Variants in ETNK1 observed in about 807,000 individuals in gnomAD.
ETNK1 encodes the protein ethanolamine kinase 1.
Under a neutral mutation model 45.1 loss-of-function variants are expected in ETNK1, and 8 were observed. The observed-to-expected ratio is 0.18, with a 90% confidence interval of 0.10 to 0.32. The LOEUF (loss-of-function observed/expected upper bound fraction) is 0.32, where lower values mean the gene tolerates loss of function less well. Among genes scored for constraint, ETNK1 ranks in the 10% least tolerant of loss-of-function variants. ETNK1 has a pLI of 1.00. For missense variants in ETNK1, 302 were observed against 430.6 expected (o/e 0.70, Z 2.64); for synonymous variants, 152 against 151.9 (o/e 1.00, Z -0.01).
rs928811541 is a variant in ETNK1 at position 22,663,165 on chromosome 12, G to A, written c.700+1960G>A. Among the ~76,000 whole-genome samples, 4 of 152,200 alleles carry A rather than the reference G, an allele frequency of 2.6e-5. No homozygotes were observed. In the East Asian group the frequency reaches 5.8e-4, roughly 22 times the overall value. On this transcript the variant is annotated intron_variant, in intron 4 of 7. Transcript: ENST00000266517. ...CTGTTATATATAATTATCATAGTACGTATGCACTACATTATATACTGGTAA... is the reference window on the plus strand; with the variant it reads ...CTGTTATATATAATTATCATAGTACATATGCACTACATTATATACTGGTAA...
chr12:22,625,277 A>T lies in ETNK1; in HGVS notation c.-154A>T. On this transcript the variant is annotated 5_prime_UTR_variant, in exon 1 of 8. Transcript: ENST00000266517. ...GGATCGGCAACAGTGCCGCCTCCAG[A>T]CGTTCTCCTGCCGCTCGCCCGCCCG... is the stretch of plus-strand genomic sequence containing the variant. 2.5e-6 allele frequency: 4 copies of T among 1,608,772 alleles called. No individual in the cohort carries two copies. The South Asian group carries it at 4.4e-5, about 18-fold the overall frequency.
At chr12:22,667,315 T>C (rs1017006818) in intron 4 of ETNK1, among the ~76,000 whole-genome samples, 2 of 152,166 alleles carry the variant, frequency 1.3e-5, no homozygotes, top group African/African-American at 4.8e-5. Flanking sequence ...GCAAACGTGT[T>C]ATTGTGTGTC....
At position 22,688,215 on chromosome 12, in the gene ETNK1, AC is replaced by A; in HGVS notation, c.*3262del. 1 of 151,988 alleles carries A rather than the reference AC, an allele frequency of 6.6e-6. No homozygotes were observed. Among genetic ancestry groups the A allele is most frequent in the East Asian group, 1.9e-4 (1 of 5,188 alleles). The allele number at this position is 151,988 out of a possible 1,614,324, so 9.4% of individuals were successfully genotyped here. ...TAATTTCCATATATACAGAAATTAGACAAATAATAAGTCTTTAGTTCAACTT... is the reference window on the plus strand; with the variant it reads ...TAATTTCCATATATACAGAAATTAGAAAATAATAAGTCTTTAGTTCAACTT... On this transcript the variant is annotated 3_prime_UTR_variant, in exon 8 of 8. Coordinates refer to ENST00000266517, the MANE Select transcript of ETNK1 (RefSeq NM_018638.5).
chr12:22,650,839 CTTTTTCAATGAGCATT>C (rs1446855271), intron 2 of ETNK1, among the ~76,000 whole-genome samples: 1 of 151,912 alleles, frequency 6.6e-6, no homozygotes, highest in Non-Finnish European at 1.5e-5. Context: ...TTTAAGAATT[CTTTTTCAATGAGCATT>C]TTATTTAGTT....
At chr12:22,645,176 T>C (rs1953791617) in intron 2 of ETNK1, among the ~76,000 whole-genome samples, 2 of 151,840 alleles carry the variant, frequency 1.3e-5, no homozygotes, top group Admixed American at 1.3e-4. Flanking sequence ...AAATCCTCAA[T>C]CTTGTTCACA....
At chr12:22,630,581 A>C (rs1297716621) in intron 1 of ETNK1, among the ~76,000 whole-genome samples, 2 of 152,128 alleles carry the variant, frequency 1.3e-5, no homozygotes, top group Non-Finnish European at 2.9e-5. Context: ...ATGGGAAGCC[A>C]CTGGATATTT....
chr12:22,649,798 C>T (rs899089962), intron 2 of ETNK1, among the ~76,000 whole-genome samples: 1 of 151,970 alleles, frequency 6.6e-6, no homozygotes, highest in African/African-American at 2.4e-5. Flanking sequence ...ATTTGGGATA[C>T]AGTATACATG....
intron 1 of ETNK1, among the ~76,000 whole-genome samples, chr12:22,635,533 C>G (rs1466038108): frequency 6.6e-6 from 1 of 152,158 alleles, no homozygotes; most frequent in Non-Finnish European, 1.5e-5. Context: ...TCTAAGACTT[C>G]TACTCCTGAT....
At chr12:22,625,971 A>G (rs368032619) in intron 1 of ETNK1, 1 of 475,736 alleles carries the variant, frequency 2.1e-6, no homozygotes, top group South Asian at 1.7e-5. Flanking sequence ...CCAGTAATGC[A>G]GTCATTAATC....
chr12:22,660,034 T>TAAAA (rs371874842), intron 3 of ETNK1, among the ~76,000 whole-genome samples: 3 of 122,576 alleles, frequency 2.4e-5, no homozygotes, highest in Non-Finnish European at 3.5e-5. Flanking sequence ...ACACTACCTT[T>TAAAA]AAAAAAAAAA....
In ETNK1 at chr12:22,625,224, G is replaced by T; in HGVS notation, c.-207G>T. On this transcript the variant is annotated 5_prime_UTR_variant, in exon 1 of 8. Transcript: ENST00000266517. ...CAGGAATTTTCTCCGAGAGCGGGCC[G>T]GGCTCAGTTCAGCTGCTGTCCAGAC... 1.2e-6 allele frequency: 2 copies of T among 1,611,262 alleles called. No homozygotes were observed. Among genetic ancestry groups the T allele is most frequent in the Non-Finnish European group, 1.7e-6 (2 of 1,179,002 alleles).
intron 3 of ETNK1, among the ~76,000 whole-genome samples, chr12:22,660,034 TAAAA>T (rs371874842): frequency 1.6e-5 from 2 of 122,556 alleles, no homozygotes. Context: ...ACACTACCTT[TAAAA>T]AAAAAAAAAA....
chr12:22,668,962 A>G (rs1053910696), intron 4 of ETNK1, among the ~76,000 whole-genome samples: 1 of 152,196 alleles, frequency 6.6e-6, no homozygotes, highest in Non-Finnish European at 1.5e-5. Context: ...TCTAAATATA[A>G]TTTTGAAAAT....
chr12:22,631,081 G>A (rs1234433399), intron 1 of ETNK1, among the ~76,000 whole-genome samples: 1 of 152,100 alleles, frequency 6.6e-6, no homozygotes, highest in Non-Finnish European at 1.5e-5. Context: ...AATCAATATA[G>A]TGTCTTGAGA....
chr12:22,646,924 G>T (rs1233380495), intron 2 of ETNK1, among the ~76,000 whole-genome samples: 1 of 151,738 alleles, frequency 6.6e-6, no homozygotes, highest in Admixed American at 6.6e-5. Flanking sequence ...GGCTTTCAGA[G>T]AAAGTACAGG....
At chr12:22,650,702 A>G (rs2137543374) in intron 2 of ETNK1, among the ~76,000 whole-genome samples, 1 of 152,014 alleles carries the variant, frequency 6.6e-6, no homozygotes, top group East Asian at 1.9e-4. Flanking sequence ...CAGCAAATAT[A>G]TTATATAAAA....
chr12:22,661,692 G>C (rs185246359), intron 4 of ETNK1, among the ~76,000 whole-genome samples: 1 of 152,228 alleles, frequency 6.6e-6, no homozygotes, highest in East Asian at 1.9e-4. Flanking sequence ...TAGATATTTT[G>C]ATACTAAGGA....
At chr12:22,635,367 G>A (rs904251912) in intron 1 of ETNK1, among the ~76,000 whole-genome samples, 3 of 152,192 alleles carry the variant, frequency 2.0e-5, no homozygotes, top group Non-Finnish European at 2.9e-5. Flanking sequence ...CAGCTGCTGG[G>A]AGGAACTTGC....
At chr12:22,659,220 G>C (rs370252678) in intron 3 of ETNK1, 66 bp downstream of exon 3, 2 of 1,453,272 alleles carry the variant, frequency 1.4e-6, no homozygotes, top group East Asian at 2.3e-5. Flanking sequence ...GGTTTCAAAG[G>C]TAATTGTAAA....
Sources: gnomAD v4.1 joint callset for allele counts (sites outside exome capture counted in the v4.1 genomes callset) on GRCh38, gnomAD v4.1.1 for gene constraint, MANE v1.5 for transcripts, NCBI Gene and HGNC (gene_info 2026-07-23, HGNC 2026-07-21) for gene names.